Variants in ARG2 observed in about 807,000 individuals in gnomAD.
The protein encoded by ARG2 is arginase-2, mitochondrial.
A neutral mutation model predicts 39.4 loss-of-function variants in ARG2; 21 were observed. The ratio of observed to expected loss-of-function variants is 0.53; its 90% CI spans 0.38 to 0.77. The LOEUF is 0.77. ARG2 is among the 30% of genes least tolerant of loss of function. The pLI is 0.00. For missense variants in ARG2, 378 were observed against 426.2 expected (o/e 0.89, Z 1.00); for synonymous variants, 150 against 156.7 (o/e 0.96, Z 0.32).
chr14:67,645,515 A>G lies in ARG2; in HGVS notation c.363-128A>G, dbSNP rs2037086239. ...ACAACTACAGGTCTTGCCTCACCCA[A>G]ACCCAGTCTCCATCTAGGCCCTGGC... On this transcript the variant is annotated intron_variant, in intron 3 of 7. Coordinates refer to ENST00000261783, the MANE Select transcript of ARG2 (RefSeq NM_001172.4). 7.6e-6 allele frequency: 8 copies of G among 1,058,122 alleles called. No homozygotes were observed. In the East Asian group the frequency reaches 1.8e-4, roughly 24 times the overall value. 65.5% of individuals were successfully genotyped at this position (1,058,122 alleles called of 1,614,324 possible).
intron 2 of ARG2, among the ~76,000 whole-genome samples, chr14:67,630,926 C>T (rs1030033598): frequency 1.3e-5 from 2 of 152,126 alleles, no homozygotes; most frequent in Non-Finnish European, 2.9e-5. Flanking sequence ...GGTTAATGCT[C>T]CCAGCTAAAA....
chr14:67,651,575 T>G lies in ARG2; in HGVS notation c.*655T>G. The G allele has an allele frequency of 7.2e-7, 1 of 1,390,440 alleles. No homozygotes were observed. Among genetic ancestry groups the G allele is most frequent in the Non-Finnish European group, 9.7e-7 (1 of 1,028,184 alleles). The allele number at this position is 1,390,440 out of a possible 1,614,324, so 86.1% of individuals were successfully genotyped here. On this transcript the variant is annotated 3_prime_UTR_variant, in exon 8 of 8. Coordinates refer to ENST00000261783, the MANE Select transcript of ARG2 (RefSeq NM_001172.4). ...TAGACCTGGGACCACGGCTGGATACTCTGAGGCTGTATGTTTGATCACACA... is the reference window on the plus strand; with the variant it reads ...TAGACCTGGGACCACGGCTGGATACGCTGAGGCTGTATGTTTGATCACACA...
chr14:67,637,321 G>C (rs1247561153), intron 2 of ARG2, among the ~76,000 whole-genome samples: 2 of 149,188 alleles, frequency 1.3e-5, no homozygotes, highest in East Asian at 4.0e-4. Flanking sequence ...TGAGGCAGCA[G>C]AGCCCCTTGA....
At position 67,651,329 on chromosome 14, in the gene ARG2, A is replaced by G; in HGVS notation, c.*409A>G. ...TATGCTTATTCTATCCACATCCCTA[A>G]CATCATGCATTCACAAGGTCAAAGT... On this transcript the variant is annotated 3_prime_UTR_variant, in exon 8 of 8. Transcript: ENST00000261783. 1 of 1,611,216 alleles carries G rather than the reference A, an allele frequency of 6.2e-7. No homozygotes were observed. Among genetic ancestry groups the G allele is most frequent in the Non-Finnish European group, 8.5e-7 (1 of 1,178,302 alleles).
At position 67,642,356 on chromosome 14, in the gene ARG2, G is replaced by C; in HGVS notation, c.355G>C (p.Asp119His). 4 of 1,613,744 alleles carry C rather than the reference G, an allele frequency of 2.5e-6. No individual in the cohort carries two copies. The highest frequency in any genetic ancestry group is 3.4e-6 in the Non-Finnish European group (4 of 1,179,950). ...DGYSCVTLGGDHSLAIGTISG... is the reference protein window; with the variant it reads ...DGYSCVTLGGHHSLAIGTISG... The stretch of plus-strand genomic sequence containing the variant: ...CTACAGCTGTGTCACACTGGGAGGA[G>C]ACCACAGGTAAGCTGGGAGCCAGGC... The change falls in exon 3 of 8, where the codon GAC becomes CAC. Residue 119 changes from aspartate to histidine, a missense_variant. Physicochemically the swap from Asp to His is moderately conservative, Grantham distance 81. Transcript: ENST00000261783.
intron 3 of ARG2, 67 bp downstream of exon 3, chr14:67,642,430 C>A (rs760506304): frequency 6.5e-7 from 1 of 1,538,782 alleles, no homozygotes; most frequent in Non-Finnish European, 8.8e-7. Context: ...AACTTAGCTT[C>A]TTTATCTGTT....
At chr14:67,639,758 T>TA (rs2037010401) in intron 2 of ARG2, among the ~76,000 whole-genome samples, 1 of 151,940 alleles carries the variant, frequency 6.6e-6, no homozygotes, top group South Asian at 2.1e-4. Context: ...CTGTCTCTAC[T>TA]AAAAATACAA....
chr14:67,649,583 G>A lies in ARG2; in HGVS notation c.860-1132G>A, dbSNP rs113591899. The A allele has an allele frequency of 7.7e-4, 118 of 152,292 alleles. 1 individual carries two copies. Among genetic ancestry groups the A allele is most frequent in the African/African-American group, 2.8e-3 (116 of 41,566 alleles). The allele number at this position is 152,292 out of a possible 1,614,324, so 9.4% of individuals were successfully genotyped here. A position where few individuals can be genotyped will look rare whatever the true frequency, so the allele number is the denominator to read the frequency against. The stretch of plus-strand genomic sequence containing the variant: ...TGCTAAAGGTGCAGGTTTAGTCAGT[G>A]GAAATCAGAGACAAATCAGGAACAC... On this transcript the variant is annotated intron_variant, in intron 7 of 7. Coordinates refer to ENST00000261783, the MANE Select transcript of ARG2 (RefSeq NM_001172.4).
intron 2 of ARG2, among the ~76,000 whole-genome samples, chr14:67,630,247 G>A (rs1055229529): frequency 2.0e-5 from 3 of 152,148 alleles, no homozygotes; most frequent in Non-Finnish European, 4.4e-5. Flanking sequence ...CCATGGTAAG[G>A]GTTCAAAATT....
chr14:67,631,234 T>A (rs1185970066), intron 2 of ARG2, among the ~76,000 whole-genome samples: 3 of 152,214 alleles, frequency 2.0e-5, no homozygotes, highest in African/African-American at 7.2e-5. Flanking sequence ...CATTTCAGCT[T>A]GTTATAATGT....
chr14:67,619,924 C>T lies in ARG2; in HGVS notation c.-54C>T, dbSNP rs2036788756. The T allele has an allele frequency of 2.3e-6, 3 of 1,291,140 alleles. No homozygotes were observed. The highest frequency in any genetic ancestry group is 3.1e-6 in the Non-Finnish European group (3 of 956,772). The allele number at this position is 1,291,140 out of a possible 1,614,324, so 80.0% of individuals were successfully genotyped here. ...CAGCGGCGGGCGGTGGCGCTCACTC[C>T]CGGCTTCCAACCGCGCGGAGCCTCT... is the stretch of plus-strand genomic sequence containing the variant. On this transcript the variant is annotated 5_prime_UTR_variant, in exon 1 of 8. Transcript: ENST00000261783.
intron 6 of ARG2, 26 bp downstream of exon 6, chr14:67,647,051 G>A (rs368547332): frequency 2.1e-6 from 3 of 1,456,246 alleles, no homozygotes; most frequent in African/African-American, 2.8e-5. Flanking sequence ...TGATGTCAGG[G>A]CAAACCCCCA....
At position 67,631,657 on chromosome 14, in the gene ARG2, C is replaced by G. The variant is rs866366720; in HGVS notation, c.185-10529C>G. Among the ~76,000 whole-genome samples the G allele has an allele frequency of 3.9e-5, 6 of 152,052 alleles. 1 individual carries two copies. The highest frequency in any genetic ancestry group is 7.4e-5 in the Non-Finnish European group (5 of 68,002). On this transcript the variant is annotated intron_variant, in intron 2 of 7. Coordinates refer to ENST00000261783, the MANE Select transcript of ARG2 (RefSeq NM_001172.4). ...ATGTTGCCCAGGCTGGTGTTTAACT[C>G]CTGGCCTCATGTGATCCTCCTGCCT...
chr14:67,649,840 T>TA (rs2037149332), intron 7 of ARG2: 1 of 152,224 alleles, frequency 6.6e-6, no homozygotes, highest in South Asian at 2.1e-4. Flanking sequence ...TATTCCTGAA[T>TA]ACTAGCTTGT....
rs1367601967 is a variant in ARG2 at position 67,648,176 on chromosome 14, C to T, written c.852C>T (p.His284=). The T allele has an allele frequency of 6.8e-6, 11 of 1,613,578 alleles. No homozygotes were observed. Among genetic ancestry groups the T allele is most frequent in the Non-Finnish European group, 9.3e-6 (11 of 1,179,778 alleles). The change falls in exon 7 of 8, where the codon CAC becomes CAT. Residue 284 remains histidine (H), a synonymous_variant. Coordinates refer to ENST00000261783, the MANE Select transcript of ARG2 (RefSeq NM_001172.4). ...REGMYIAEEI[H]NTGLLSALDL... ...GCATGTATATTGCTGAGGAAATACA[C>T]AATACAGGTATGTAGCAACCAGGTC...
Position 67,647,004 on chromosome 14 carries a change from C to T in ARG2, c.701C>T (p.Thr234Ile). The change falls in exon 6 of 8, where the codon ACA (threonine) becomes ATA (isoleucine). Residue 234 changes from threonine (T) to isoleucine (I), a missense_variant. Coordinates refer to ENST00000261783, the MANE Select transcript of ARG2 (RefSeq NM_001172.4). ...RLGIQKVMER[T>I]FDLLIGKRQR... ...GGTATCCAGAAGGTCATGGAACGAA[C>T]ATTTGATCTGCTGATTGGCAAGTAA... The T allele has an allele frequency of 6.2e-7, 1 of 1,611,418 alleles. No homozygotes were observed. The highest frequency in any genetic ancestry group is 8.5e-7 in the Non-Finnish European group (1 of 1,177,820).
chr14:67,643,892 T>C (rs1197974659), intron 3 of ARG2, among the ~76,000 whole-genome samples: 1 of 135,404 alleles, frequency 7.4e-6, no homozygotes, highest in African/African-American at 2.7e-5. Flanking sequence ...AGACTCAGGT[T>C]GAAGAAAACG....
At chr14:67,628,811 G>A (rs184586667) in intron 2 of ARG2, among the ~76,000 whole-genome samples, 10 of 152,250 alleles carry the variant, frequency 6.6e-5, no homozygotes, top group Non-Finnish European at 7.4e-5. Context: ...TATGGAAAAC[G>A]GTATGGCAAC....
At chr14:67,630,227 A>G (rs144698968) in intron 2 of ARG2, among the ~76,000 whole-genome samples, 2 of 152,346 alleles carry the variant, frequency 1.3e-5, no homozygotes, top group South Asian at 2.1e-4. Flanking sequence ...GGTATCATAG[A>G]TAACAGTGCC....
Sources: gnomAD v4.1 joint callset for allele counts (sites outside exome capture counted in the v4.1 genomes callset) on GRCh38, gnomAD v4.1.1 for gene constraint, MANE v1.5 for transcripts, NCBI Gene and HGNC (gene_info 2026-07-23, HGNC 2026-07-21) for gene names.